The following FXR1 variants were observed in gnomAD, a reference collection of about 807,000 sequenced individuals.
The protein encoded by FXR1 is FMR1 autosomal homolog 1.
In FXR1, 15 loss-of-function variants were observed where a neutral mutation model predicts 84.0. The ratio of observed to expected loss-of-function variants is 0.18; its 90% CI spans 0.12 to 0.27. The LOEUF (loss-of-function observed/expected upper bound fraction) is 0.27, where lower values mean the gene tolerates loss of function less well. Among genes scored for constraint, FXR1 ranks in the 10% least tolerant of loss-of-function variants. The pLI, the probability that FXR1 is intolerant of heterozygous loss-of-function variation, is 1.00. For missense variants in FXR1, 480 were observed against 774.4 expected, an observed-to-expected ratio of 0.62 and a Z score of 4.51; for synonymous variants, 245 against 250.7, an observed-to-expected ratio of 0.98 and a Z score of 0.21.
At chr3:180,920,731 G>A (rs1487058625) in intron 1 of FXR1, among the ~76,000 whole-genome samples, 8 of 152,054 alleles carry the variant, frequency 5.3e-5, no homozygotes. Context: ...GGCTGACCTT[G>A]AGCTCCTGAT....
chr3:180,941,392 C>T (rs1721105206), intron 3 of FXR1, among the ~76,000 whole-genome samples: 1 of 151,928 alleles, frequency 6.6e-6, no homozygotes, highest in Non-Finnish European at 1.5e-5. Flanking sequence ...GAGGTTTTGC[C>T]ATGGTGCCCA....
chr3:180,980,711 T>C lies in FXR1; in HGVS notation c.*4419T>C, dbSNP rs1287364180. The C allele has an allele frequency of 6.6e-6, 1 of 152,018 alleles. No homozygotes were observed. Among genetic ancestry groups the C allele is most frequent in the East Asian group, 1.9e-4 (1 of 5,190 alleles). The allele number at this position is 152,018 out of a possible 1,614,324, so 9.4% of individuals were successfully genotyped here. ...CCCATATCATTGGACTGTTCTATTA[T>C]TGGGTCAGGAATAATAGGTGACACA... On this transcript the variant is annotated 3_prime_UTR_variant, in exon 17 of 17. Coordinates refer to ENST00000357559, the MANE Select transcript of FXR1 (RefSeq NM_005087.4).
intron 1 of FXR1, among the ~76,000 whole-genome samples, chr3:180,932,259 A>G (rs1397016516): frequency 1.3e-5 from 2 of 152,062 alleles, no homozygotes; most frequent in Non-Finnish European, 2.9e-5. Flanking sequence ...ATGTGTTTAT[A>G]TAGCTAGTGT....
chr3:180,938,093 A>G (rs1720724570), intron 3 of FXR1, among the ~76,000 whole-genome samples: 1 of 152,166 alleles, frequency 6.6e-6, no homozygotes, highest in Admixed American at 6.5e-5. Flanking sequence ...CCACCTCAAA[A>G]TTATTTGGTG....
intron 7 of FXR1, 46 bp from the exon 8 acceptor site, chr3:180,951,252 T>G: frequency 4.9e-6 from 6 of 1,228,350 alleles, no homozygotes; most frequent in Non-Finnish European, 7.1e-6. Context: ...AAAAAAGCCA[T>G]TTTGTATTTT....
intron 13 of FXR1, among the ~76,000 whole-genome samples, chr3:180,964,624 G>T (rs1391630921): frequency 6.7e-6 from 1 of 148,588 alleles, no homozygotes; most frequent in Non-Finnish European, 1.5e-5. Flanking sequence ...ATTTGAATTT[G>T]GTTGTAGACG....
chr3:180,980,625 T>G lies in FXR1; in HGVS notation c.*4333T>G, dbSNP rs544496757. ...GTAAAGAAAAATGTAAACATATATT[T>G]GAAATTTCATTAACTGAAACTGCTG... On this transcript the variant is annotated 3_prime_UTR_variant, in exon 17 of 17. Coordinates refer to ENST00000357559, the MANE Select transcript of FXR1 (RefSeq NM_005087.4). 2.0e-5 allele frequency: 3 copies of G among 152,064 alleles called. No homozygotes were observed. The highest frequency in any genetic ancestry group is 4.4e-5 in the Non-Finnish European group (3 of 67,948). The allele number at this position is 152,064 out of a possible 1,614,324, so 9.4% of individuals were successfully genotyped here. A position where few individuals can be genotyped will look rare whatever the true frequency, so the allele number is the denominator to read the frequency against.
intron 1 of FXR1, among the ~76,000 whole-genome samples, chr3:180,913,840 T>C (rs1026005845): frequency 1.3e-5 from 2 of 152,246 alleles, no homozygotes; most frequent in African/African-American, 2.4e-5. Context: ...AAGGGCCTTC[T>C]TCTAATACAT....
At chr3:180,917,827 G>A (rs1485741206) in intron 1 of FXR1, among the ~76,000 whole-genome samples, 1 of 151,570 alleles carries the variant, frequency 6.6e-6, no homozygotes, top group Non-Finnish European at 1.5e-5. Context: ...CGCGCCTGTA[G>A]TCCCAGCTAC....
chr3:180,915,461 T>G (rs1717772829), intron 1 of FXR1: 20 of 1,350,024 alleles, frequency 1.5e-5, no homozygotes, highest in Non-Finnish European at 2.0e-5. Context: ...CGGCTTCCAT[T>G]TAGCGTAGAA....
Position 180,977,743 on chromosome 3 carries a change from AGTGTT to A in FXR1, c.*1456_*1460del, listed in dbSNP as rs1445400589. On this transcript the variant is annotated 3_prime_UTR_variant, in exon 17 of 17. Coordinates refer to ENST00000357559, the MANE Select transcript of FXR1 (RefSeq NM_005087.4). ...CTTTGTTATCACTTGGCATATGAAA[AGTGTT>A]GTGTGCATAGTTTGTGTTAATTTTT... is the stretch of plus-strand genomic sequence containing the variant. 2.0e-5 allele frequency: 3 copies of A among 152,232 alleles called. No individual in the cohort carries two copies. Among genetic ancestry groups the A allele is most frequent in the South Asian group, 4.1e-4 (2 of 4,830 alleles). The allele number at this position is 152,232 out of a possible 1,614,324, so 9.4% of individuals were successfully genotyped here.
intron 15 of FXR1, among the ~76,000 whole-genome samples, chr3:180,973,483 A>ACAGT (rs1713838063): frequency 6.6e-6 from 1 of 152,184 alleles, no homozygotes; most frequent in East Asian, 1.9e-4. Flanking sequence ...GAACTTGGAA[A>ACAGT]CAGTGCATTC....
chr3:180,963,100 AATTTTT>A lies in FXR1; in HGVS notation c.1198+11_1198+16del. On this transcript the variant is annotated intron_variant, in intron 13 of 16. Coordinates refer to ENST00000357559, the MANE Select transcript of FXR1 (RefSeq NM_005087.4). ...TACACCTCCGGTTATGGTAAAAAAA[AATTTTT>A]TTTTTTTTTTTTTGGTAATAGTAAT... 1.6e-6 allele frequency: 2 copies of A among 1,278,672 alleles called. No homozygotes were observed. The highest frequency in any genetic ancestry group is 2.1e-5 in the Admixed American group (1 of 47,050). The allele number at this position is 1,278,672 out of a possible 1,614,324, so 79.2% of individuals were successfully genotyped here. A position where few individuals can be genotyped will look rare whatever the true frequency, so the allele number is the denominator to read the frequency against.
At chr3:180,916,065 T>C (rs554940827) in intron 1 of FXR1, among the ~76,000 whole-genome samples, 13 of 152,318 alleles carry the variant, frequency 8.5e-5, no homozygotes, top group African/African-American at 3.1e-4. Flanking sequence ...AAAATAACAT[T>C]ATAGGCTTTG....
chr3:180,923,088 T>G (rs1353993400), intron 1 of FXR1, among the ~76,000 whole-genome samples: 1 of 152,246 alleles, frequency 6.6e-6, no homozygotes, highest in Non-Finnish European at 1.5e-5. Flanking sequence ...ATTTTTACAT[T>G]TAAATAGTAC....
intron 1 of FXR1, among the ~76,000 whole-genome samples, chr3:180,926,666 A>G (rs752773759): frequency 3.3e-5 from 5 of 151,816 alleles, no homozygotes; most frequent in Non-Finnish European, 7.4e-5. Context: ...AAAACTTCGG[A>G]TTCAGGCTGT....
chr3:180,929,441 C>T (rs1719624294), intron 1 of FXR1, among the ~76,000 whole-genome samples: 1 of 152,100 alleles, frequency 6.6e-6, no homozygotes, highest in African/African-American at 2.4e-5. Context: ...AGACAAGTGA[C>T]CATTTAATAA....
intron 13 of FXR1, among the ~76,000 whole-genome samples, chr3:180,964,729 T>C (rs958009548): frequency 2.7e-5 from 4 of 148,262 alleles, no homozygotes; most frequent in Non-Finnish European, 5.9e-5. Flanking sequence ...ATCAGTTTAA[T>C]AGGAACTATA....
intron 1 of FXR1, among the ~76,000 whole-genome samples, chr3:180,931,580 A>C (rs1214133003): frequency 1.3e-5 from 2 of 152,136 alleles, no homozygotes; most frequent in African/African-American, 4.8e-5. Flanking sequence ...GGATGTTTGC[A>C]TAGAAATGTC....
Sources: allele counts gnomAD v4.1 joint callset (sites outside exome capture counted in the v4.1 genomes callset), GRCh38; gene constraint gnomAD v4.1.1; transcripts MANE v1.5; gene names NCBI Gene and HGNC (gene_info 2026-07-23, HGNC 2026-07-21).